The following EEIG1 variants were observed in gnomAD, a reference collection of about 807,000 sequenced individuals.
EEIG1 encodes the protein estrogen-induced osteoclastogenesis regulator 1.
chr9:127,975,534 G>A, the EEIG1 span, among the ~76,000 whole-genome samples: 1 of 152,078 alleles, frequency 6.6e-6, no homozygotes, highest in Admixed American at 6.5e-5. Context: ...AGACACAGGG[G>A]ACAGAGGTCA....
At chr9:127,958,729 A>G in the EEIG1 span, among the ~76,000 whole-genome samples, 1 of 152,298 alleles carries the variant, frequency 6.6e-6, no homozygotes, top group East Asian at 1.9e-4. Context: ...GACATCATCA[A>G]AAAAGTGAAA....
the EEIG1 span, among the ~76,000 whole-genome samples, chr9:127,950,112 T>A: frequency 2.0e-5 from 3 of 152,228 alleles, no homozygotes; most frequent in Non-Finnish European, 2.9e-5. Flanking sequence ...CTCGTGGGGC[T>A]GCTGTCAGGG....
the EEIG1 span, among the ~76,000 whole-genome samples, chr9:127,960,563 G>A: frequency 1.3e-5 from 2 of 152,272 alleles, no homozygotes; most frequent in South Asian, 4.1e-4. Context: ...GAGTGGCCAT[G>A]GCTCCCCACA....
chr9:127,944,189 C>CT, the EEIG1 span: 3 of 237,716 alleles, frequency 1.3e-5, no homozygotes, highest in Non-Finnish European at 2.5e-5. Flanking sequence ...CAGGCCTTCA[C>CT]TTAGGGCCTA....
At chr9:127,977,233 T>C in the EEIG1 span, among the ~76,000 whole-genome samples, 22 of 152,344 alleles carry the variant, frequency 1.4e-4, no homozygotes, top group East Asian at 3.1e-3. Flanking sequence ...TCAGGTTGCA[T>C]GCAGGACAGG....
the EEIG1 span, among the ~76,000 whole-genome samples, chr9:127,971,127 C>T: frequency 2.0e-4 from 30 of 152,210 alleles, no homozygotes; most frequent in African/African-American, 7.0e-4. Flanking sequence ...CCCAGACTTC[C>T]GCCCTCCCTG....
At chr9:127,967,699 CAG>C in the EEIG1 span, among the ~76,000 whole-genome samples, 1 of 152,222 alleles carries the variant, frequency 6.6e-6, no homozygotes, top group African/African-American at 2.4e-5. Context: ...CATTGGGAAG[CAG>C]AGACTGGGGC....
the EEIG1 span, among the ~76,000 whole-genome samples, chr9:127,956,660 C>T: frequency 6.6e-6 from 1 of 152,112 alleles, no homozygotes. Flanking sequence ...ATCTGCCCCC[C>T]TTGGCCTCCC....
the EEIG1 span, among the ~76,000 whole-genome samples, chr9:127,980,970 C>G: frequency 1.3e-5 from 2 of 149,408 alleles, no homozygotes; most frequent in East Asian, 3.9e-4. Context: ...CCCGATGCTG[C>G]GAGGCGCCGC....
chr9:127,965,103 T>C, the EEIG1 span, among the ~76,000 whole-genome samples: 4 of 75,188 alleles, frequency 5.3e-5, no homozygotes, highest in East Asian at 1.4e-3. Context: ...AGCAAGACTG[T>C]CTCAAAAAAA....
chr9:127,971,468 GC>G, the EEIG1 span, among the ~76,000 whole-genome samples: 1 of 139,446 alleles, frequency 7.2e-6, no homozygotes, highest in Non-Finnish European at 1.5e-5. Context: ...GCCCGTGGAG[GC>G]ACCCAGCTGT....
At chr9:127,957,771 T>C in the EEIG1 span, among the ~76,000 whole-genome samples, 1 of 152,218 alleles carries the variant, frequency 6.6e-6, no homozygotes. Context: ...GGAATACAAC[T>C]GAGATTATCC....
chr9:127,942,980 G>A, the EEIG1 span: 1 of 604,886 alleles, frequency 1.7e-6, no homozygotes, highest in Non-Finnish European at 3.0e-6. Context: ...AATATTCACA[G>A]TGGTGCCTGG....
the EEIG1 span, among the ~76,000 whole-genome samples, chr9:127,962,188 A>G: frequency 1.3e-5 from 2 of 152,122 alleles, no homozygotes; most frequent in Non-Finnish European, 2.9e-5. Context: ...TTTTTATTTA[A>G]TTTTTTAAAG....
At chr9:127,968,378 T>C in the EEIG1 span, among the ~76,000 whole-genome samples, 3 of 152,098 alleles carry the variant, frequency 2.0e-5, no homozygotes, top group Non-Finnish European at 4.4e-5. Flanking sequence ...ACACTGCAAG[T>C]TTCCTCTTCT....
At chr9:127,975,164 C>T in the EEIG1 span, among the ~76,000 whole-genome samples, 42 of 152,344 alleles carry the variant, frequency 2.8e-4, no homozygotes, top group East Asian at 6.0e-3. Context: ...CCCGGCCAGG[C>T]TGGCCTCCCC....
chr9:127,955,972 G>A, the EEIG1 span, among the ~76,000 whole-genome samples: 217 of 152,366 alleles, frequency 1.4e-3, 2 homozygotes, highest in Non-Finnish European at 1.8e-3. Flanking sequence ...CTGGCCCGGT[G>A]AAGGCTCTGT....
the EEIG1 span, chr9:127,953,318 G>A: frequency 2.2e-5 from 12 of 549,570 alleles, no homozygotes; most frequent in African/African-American, 1.3e-4. Context: ...CCAGAAAGAG[G>A]CCTGGAGAGA....
the EEIG1 span, among the ~76,000 whole-genome samples, chr9:127,952,407 G>A: frequency 6.6e-6 from 1 of 152,262 alleles, no homozygotes; most frequent in South Asian, 2.1e-4. Flanking sequence ...AGGAGCTGAG[G>A]AGGGGAGGCC....
Sources: gnomAD v4.1 joint callset for allele counts (sites outside exome capture counted in the v4.1 genomes callset) on GRCh38, gnomAD v4.1.1 for gene constraint, MANE v1.5 for transcripts, NCBI Gene and HGNC (gene_info 2026-07-23, HGNC 2026-07-21) for gene names.